Variants in ITGAE observed in about 807,000 individuals in gnomAD.
ITGAE encodes the protein integrin subunit alpha E, also known as integrin alpha-E.
ITGAE carries 99 observed loss-of-function variants against 136.5 expected under a neutral mutation model. The observed-to-expected ratio is 0.73, with a 90% confidence interval of 0.62 to 0.86. The LOEUF (loss-of-function observed/expected upper bound fraction) is 0.86. Ranked by LOEUF, ITGAE falls within the 40% of genes least tolerant of loss-of-function variation. ITGAE has a pLI of 0.00. For synonymous variants in ITGAE, 613 were observed against 591.8 expected, an observed-to-expected ratio of 1.04 and a Z score of -0.52; for missense variants, 1,447 against 1,515.3, an observed-to-expected ratio of 0.95 and a Z score of 0.75.
chr17:3,795,944 C>CGT (rs1172818667), intron 1 of ITGAE, among the ~76,000 whole-genome samples: 2 of 107,068 alleles, frequency 1.9e-5, no homozygotes, highest in Admixed American at 1.0e-4. Context: ...TGTGTGCATC[C>CGT]GTGTGTGCAT....
rs190934894 is a variant in ITGAE, at chr17:3,779,460, T to C, written c.35-1800A>G. 5.8e-4 allele frequency among the ~76,000 whole-genome samples: 89 copies of C among 152,164 alleles called. 1 individual carries two copies. In the East Asian group the frequency reaches 0.017, roughly 28 times the overall value. On this transcript the variant is annotated intron_variant, in intron 1 of 30. Coordinates refer to ENST00000263087, the MANE Select transcript of ITGAE (RefSeq NM_002208.5). ...CTCCTGTCTCAGCCTCCCACATAGC[T>C]GGGATTACAGGCGCCTGCCACCATG...
intron 21 of ITGAE, 76 bp downstream of exon 21, chr17:3,734,741 G>T: frequency 6.4e-7 from 1 of 1,572,656 alleles, no homozygotes; most frequent in South Asian, 1.1e-5. Context: ...CCAGTGAGGG[G>T]GCCACCACAG....
intron 26 of ITGAE, 113 bp downstream of exon 26, chr17:3,727,806 T>C: frequency 1.4e-6 from 1 of 726,392 alleles, no homozygotes; most frequent in Non-Finnish European, 2.4e-6. Context: ...CTCCTAATCT[T>C]TTCCCATGGT....
rs139778490 is a variant in ITGAE at position 3,716,712 on chromosome 17, G to A, written c.3420C>T (p.Ile1140=). 3.3e-5 allele frequency: 53 copies of A among 1,603,862 alleles called. No homozygotes were observed. The highest frequency in any genetic ancestry group is 1.2e-4 in the African/African-American group (9 of 74,682). Residue 1140 remains isoleucine (I), a synonymous_variant, in exon 30 of 31, where the codon ATC becomes ATT. Coordinates refer to ENST00000263087, the MANE Select transcript of ITGAE (RefSeq NM_002208.5). The part of the protein sequence containing the change: ...KGSVGGLLVL[I]VILVILFKCG... ...CCTTGAACAGGATGACCAGAATCAC[G>A]ATCAACACCAGAAGTCCACCAACGC... is the stretch of plus-strand genomic sequence containing the variant.
chr17:3,800,566 T>TC (rs1037724935), intron 1 of ITGAE, among the ~76,000 whole-genome samples: 6 of 150,212 alleles, frequency 4.0e-5, no homozygotes, highest in Non-Finnish European at 8.9e-5. Context: ...CAGAAGTGCC[T>TC]CCCCCCACCC....
At chr17:3,787,237 A>G (rs1441213059) in intron 1 of ITGAE, among the ~76,000 whole-genome samples, 4 of 151,326 alleles carry the variant, frequency 2.6e-5, no homozygotes, top group African/African-American at 7.3e-5. Flanking sequence ...TCAGCCTCCC[A>G]AGTAGCTGGG....
chr17:3,771,685 C>A (rs2052427531), intron 2 of ITGAE, among the ~76,000 whole-genome samples: 1 of 152,018 alleles, frequency 6.6e-6, no homozygotes, highest in East Asian at 1.9e-4. Context: ...TACAAGCGCC[C>A]ACCACCACAC....
intron 15 of ITGAE, 63 bp downstream of exon 15, chr17:3,751,587 G>A (rs760784667): frequency 9.8e-5 from 144 of 1,475,452 alleles, no homozygotes; most frequent in Non-Finnish European, 1.3e-4. Flanking sequence ...TGGGGCTTGG[G>A]TCATCATATC....
chr17:3,726,109 TGAA>T, intron 26 of ITGAE: 2 of 1,614,210 alleles, frequency 1.2e-6, no homozygotes, highest in Non-Finnish European at 1.7e-6. Flanking sequence ...TACAGGCTCA[TGAA>T]GAAGGAGAAT....
At chr17:3,772,359 A>G (rs369882357) in intron 2 of ITGAE, among the ~76,000 whole-genome samples, 1 of 152,002 alleles carries the variant, frequency 6.6e-6, no homozygotes, top group South Asian at 2.1e-4. Context: ...TATTCCCCAA[A>G]TATTGCCTGG....
Position 3,750,463 on chromosome 17 carries a change from AC to A in ITGAE, c.1912del (p.Val638TrpfsTer45). On this transcript the variant is annotated frameshift_variant, in exon 16 of 31. Coordinates refer to ENST00000263087, the MANE Select transcript of ITGAE (RefSeq NM_002208.5). LOFTEE classifies it high-confidence loss of function. ...SPSQRIRAST[V>X]APGLQYFGMS... ...GCCGAAGTACTGGAGTCCTGGGGCC[AC>A]CGTGGAGGCTCTGATCCGCTGTGGA... is the stretch of plus-strand genomic sequence containing the variant. 1 of 1,614,104 alleles carries A rather than the reference AC, an allele frequency of 6.2e-7. No homozygotes were observed. Among genetic ancestry groups the A allele is most frequent in the East Asian group, 2.2e-5 (1 of 44,880 alleles).
At chr17:3,777,168 A>G (rs1359912499) in intron 2 of ITGAE, among the ~76,000 whole-genome samples, 1 of 151,710 alleles carries the variant, frequency 6.6e-6, no homozygotes, top group Non-Finnish European at 1.5e-5. Flanking sequence ...TCACCGTGTT[A>G]GCCAGGATGG....
chr17:3,747,049 CA>C (rs1454230101), intron 17 of ITGAE, among the ~76,000 whole-genome samples: 8 of 152,194 alleles, frequency 5.3e-5, no homozygotes, highest in South Asian at 2.1e-4. Context: ...GGAATCGTTC[CA>C]GGGGGGAGCT....
At chr17:3,757,950 T>C in intron 8 of ITGAE, 91 bp from the exon 9 acceptor site, 1 of 1,450,986 alleles carries the variant, frequency 6.9e-7, no homozygotes, top group Non-Finnish European at 9.5e-7. Flanking sequence ...TGTATTAGAA[T>C]TGGGAGGGTT....
intron 5 of ITGAE, 78 bp from the exon 6 acceptor site, chr17:3,761,255 C>A (rs2143104038): frequency 6.4e-7 from 1 of 1,561,508 alleles, no homozygotes; most frequent in South Asian, 1.2e-5. Context: ...ATGGTTCTGC[C>A]CTGATTCCTT....
chr17:3,791,273 T>C (rs2052932826), intron 1 of ITGAE, among the ~76,000 whole-genome samples: 1 of 152,030 alleles, frequency 6.6e-6, no homozygotes, highest in Admixed American at 6.6e-5. Context: ...TGTGGCTATT[T>C]AAGAAAATGT....
chr17:3,747,289 G>A (rs543538891), intron 17 of ITGAE, among the ~76,000 whole-genome samples: 3 of 152,132 alleles, frequency 2.0e-5, no homozygotes, highest in African/African-American at 7.2e-5. Flanking sequence ...GCACACACGT[G>A]GGCATGGAGA....
chr17:3,790,205 G>A (rs2143459504), intron 1 of ITGAE, among the ~76,000 whole-genome samples: 1 of 152,066 alleles, frequency 6.6e-6, no homozygotes, highest in South Asian at 2.1e-4. Flanking sequence ...AAACACTTCA[G>A]CAAAGAAAAG....
intron 26 of ITGAE, chr17:3,726,205 C>A (rs2051208463): frequency 6.2e-7 from 1 of 1,614,124 alleles, no homozygotes; most frequent in Non-Finnish European, 8.5e-7. Context: ...AAACAAATGA[C>A]CTTCAAGACT....
Sources: gnomAD v4.1 joint callset for allele counts (sites outside exome capture counted in the v4.1 genomes callset) on GRCh38, gnomAD v4.1.1 for gene constraint, MANE v1.5 for transcripts, NCBI Gene and HGNC (gene_info 2026-07-23, HGNC 2026-07-21) for gene names.